CLSTN2: variants seen among roughly 807,000 people sequenced by gnomAD.
CLSTN2 encodes calsyntenin-2.
In CLSTN2, 48 loss-of-function variants were observed where a neutral mutation model predicts 101.2. The ratio of observed to expected loss-of-function variants is 0.47; its 90% CI spans 0.38 to 0.60. The LOEUF is 0.60. CLSTN2 is among the 20% of genes least tolerant of loss of function. The pLI is 0.00. For synonymous variants in CLSTN2, 481 were observed against 463.6 expected, an observed-to-expected ratio of 1.04 and a Z score of -0.48; for missense variants, 1,160 against 1,238.2, an observed-to-expected ratio of 0.94 and a Z score of 0.95.
At chr3:140,012,568 G>A (rs1282928447) in intron 1 of CLSTN2, among the ~76,000 whole-genome samples, 1 of 152,172 alleles carries the variant, frequency 6.6e-6, no homozygotes, top group Non-Finnish European at 1.5e-5. Context: ...CCAAGGAAGA[G>A]GGATGACCAG....
intron 1 of CLSTN2, among the ~76,000 whole-genome samples, chr3:140,083,835 A>T (rs1343829854): frequency 6.6e-6 from 1 of 152,226 alleles, no homozygotes; most frequent in Non-Finnish European, 1.5e-5. Context: ...CAAAGGAGTG[A>T]AGATATTAGC....
intron 1 of CLSTN2, among the ~76,000 whole-genome samples, chr3:139,990,427 G>A (rs1021906707): frequency 2.0e-5 from 3 of 152,040 alleles, no homozygotes; most frequent in African/African-American, 4.8e-5. Flanking sequence ...TCTAGGACCC[G>A]CCCCCTTACT....
chr3:140,461,501 T>G (rs952902141), intron 7 of CLSTN2: 4 of 152,140 alleles, frequency 2.6e-5, no homozygotes, highest in African/African-American at 9.7e-5. Context: ...ATGTTTCTGC[T>G]TACAAAGGAG....
rs377152586 is a variant in CLSTN2 at position 140,459,133 on chromosome 3, T to C, written c.974-388T>C. Among the ~76,000 whole-genome samples, 7 of 152,334 alleles carry C rather than the reference T, an allele frequency of 4.6e-5. No homozygotes were observed. In the South Asian group the frequency reaches 1.0e-3, roughly 23 times the overall value. On this transcript the variant is annotated intron_variant, in intron 6 of 16. Transcript: ENST00000458420. ...TGGCACATGGTTAGTGCTCAGTAGA[T>C]GGCTGGCAGGTTAACAGATGGATAG... is the stretch of plus-strand genomic sequence containing the variant.
intron 6 of CLSTN2, among the ~76,000 whole-genome samples, chr3:140,451,948 G>A (rs964765495): frequency 1.3e-5 from 2 of 152,206 alleles, no homozygotes; most frequent in African/African-American, 4.8e-5. Context: ...AAGAGATAAT[G>A]AGTTCTGAAC....
intron 2 of CLSTN2, among the ~76,000 whole-genome samples, chr3:140,225,917 T>TTA (rs1553723690): frequency 2.0e-5 from 3 of 151,424 alleles, no homozygotes; most frequent in Admixed American, 6.6e-5. Context: ...TGATTTTTTT[T>TTA]AAAAAAAAAA....
intron 1 of CLSTN2, among the ~76,000 whole-genome samples, chr3:140,067,791 G>T (rs2008323446): frequency 6.6e-6 from 1 of 152,150 alleles, no homozygotes; most frequent in Admixed American, 6.5e-5. Flanking sequence ...TTGCCTCATT[G>T]ACTTTTCAGT....
At chr3:140,439,168 C>G (rs1346998448) in intron 5 of CLSTN2, among the ~76,000 whole-genome samples, 1 of 152,214 alleles carries the variant, frequency 6.6e-6, no homozygotes, top group African/African-American at 2.4e-5. Flanking sequence ...CCAAAGCCTT[C>G]CAGGAACGGA....
intron 1 of CLSTN2, among the ~76,000 whole-genome samples, chr3:140,110,639 C>G (rs1159508689): frequency 1.3e-5 from 2 of 152,126 alleles, no homozygotes; most frequent in Admixed American, 1.3e-4. Flanking sequence ...GGGATCATTC[C>G]TCATTATTTC....
chr3:140,469,224 C>G (rs1297000926), intron 8 of CLSTN2, among the ~76,000 whole-genome samples: 1 of 152,178 alleles, frequency 6.6e-6, no homozygotes. Flanking sequence ...GGGAGAGGCA[C>G]AATTCAGTCC....
At chr3:140,019,219 A>T (rs910556015) in intron 1 of CLSTN2, among the ~76,000 whole-genome samples, 5 of 152,236 alleles carry the variant, frequency 3.3e-5, no homozygotes, top group African/African-American at 1.2e-4. Context: ...ATATTGTGTC[A>T]AACATCATTT....
intron 2 of CLSTN2, among the ~76,000 whole-genome samples, chr3:140,347,646 A>G (rs1016890547): frequency 2.2e-4 from 34 of 152,222 alleles, no homozygotes; most frequent in Non-Finnish European, 3.8e-4. Context: ...TCCAGGTAGT[A>G]CTTGCTTTCC....
chr3:140,354,494 C>T (rs115990674), intron 2 of CLSTN2, among the ~76,000 whole-genome samples: 2,464 of 152,230 alleles, frequency 0.016, 56 homozygotes, highest in African/African-American at 0.057. Flanking sequence ...CCCACATTGA[C>T]AAATTTCCTA....
chr3:140,419,801 A>G lies in CLSTN2; in HGVS notation c.638-1324A>G, dbSNP rs191533418. On this transcript the variant is annotated intron_variant, in intron 4 of 16. Transcript: ENST00000458420. ...CACGTATATACACGTATACGTGTATATACGTGTATATACGTATATATACGT... is the reference window on the plus strand; with the variant it reads ...CACGTATATACACGTATACGTGTATGTACGTGTATATACGTATATATACGT... Among the ~76,000 whole-genome samples, 13 of 77,016 alleles carry G rather than the reference A, an allele frequency of 1.7e-4. 4 individuals carry two copies. The South Asian group carries it at 2.9e-3, about 17-fold the overall frequency. 50.5% of individuals were successfully genotyped at this position (77,016 alleles called of 152,430 possible).
intron 1 of CLSTN2, among the ~76,000 whole-genome samples, chr3:140,089,580 TTTTATTTATTTA>T (rs71627875): frequency 0.016 from 2,346 of 146,026 alleles, 26 homozygotes; most frequent in Non-Finnish European, 0.019. Context: ...TTTCAGCTGG[TTTTATTTATTTA>T]TTTATTTATT....
rs999651251 is a variant in CLSTN2, at chr3:140,568,192, A to G, written c.*1939A>G. On this transcript the variant is annotated 3_prime_UTR_variant, in exon 17 of 17. Coordinates refer to ENST00000458420, the MANE Select transcript of CLSTN2 (RefSeq NM_022131.3). ...ATGCACCTAACAGACACTGCTGCAA[A>G]CCTACTATGTGCTAAGCATCCTACC... is the stretch of plus-strand genomic sequence containing the variant. 7 of 152,234 alleles carry G rather than the reference A, an allele frequency of 4.6e-5. No homozygotes were observed. The highest frequency in any genetic ancestry group is 2.6e-4 in the Admixed American group (4 of 15,290). 9.4% of individuals were successfully genotyped at this position (152,234 alleles called of 1,614,324 possible). A position where few individuals can be genotyped will look rare whatever the true frequency, so the allele number is the denominator to read the frequency against.
chr3:140,366,742 C>T lies in CLSTN2; in HGVS notation c.233-36887C>T, dbSNP rs1036931594. The stretch of plus-strand genomic sequence containing the variant: ...GTGATTGTTTATGTCTCTCTCAAAA[C>T]TCCAGCCAAGGTTGTTCCTATTTGA... On this transcript the variant is annotated intron_variant, in intron 2 of 16. Coordinates refer to ENST00000458420, the MANE Select transcript of CLSTN2 (RefSeq NM_022131.3). Among the ~76,000 whole-genome samples, 24 of 152,222 alleles carry T rather than the reference C, an allele frequency of 1.6e-4. 1 individual carries two copies. The highest frequency in any genetic ancestry group is 1.5e-5 in the Non-Finnish European group (1 of 68,038).
At chr3:140,441,028 C>A (rs998269821) in intron 5 of CLSTN2, among the ~76,000 whole-genome samples, 3 of 152,228 alleles carry the variant, frequency 2.0e-5, no homozygotes, top group African/African-American at 7.2e-5. Flanking sequence ...GTCTCTGATT[C>A]CTCACCACCC....
chr3:140,416,839 T>C (rs2088436389), intron 4 of CLSTN2, among the ~76,000 whole-genome samples: 1 of 152,244 alleles, frequency 6.6e-6, no homozygotes, highest in Non-Finnish European at 1.5e-5. Context: ...AGCAATTGTT[T>C]GGTCTTCATG....
Sources: allele counts gnomAD v4.1 joint callset (sites outside exome capture counted in the v4.1 genomes callset), GRCh38; gene constraint gnomAD v4.1.1; transcripts MANE v1.5; gene names NCBI Gene and HGNC (gene_info 2026-07-23, HGNC 2026-07-21).